The following PKP1 variants were observed in gnomAD, a reference collection of about 807,000 sequenced individuals.
PKP1 encodes the protein plakophilin 1.
Under a neutral mutation model 76.4 loss-of-function variants are expected in PKP1, and 27 were observed. That is an observed-to-expected ratio of 0.35 (90% CI 0.26 to 0.49). PKP1 has a LOEUF of 0.49. Ranked by LOEUF, PKP1 falls within the 20% of genes least tolerant of loss-of-function variation. PKP1 has a pLI of 0.99. For synonymous variants in PKP1, 404 were observed against 384.2 expected, an observed-to-expected ratio of 1.05 and a Z score of -0.60; for missense variants, 964 against 955.2, an observed-to-expected ratio of 1.01 and a Z score of -0.12.
rs569900770 is a variant in PKP1 at position 201,289,420 on chromosome 1, T to C, written c.203-4522T>C. ...GAATATGCTAGAAGAAGCATCGGCC[T>C]TAAGGGAGACAGAGTAAGCAAGAAT... On this transcript the variant is annotated intron_variant, in intron 1 of 13. Transcript: ENST00000367324. Among the ~76,000 whole-genome samples, 13 of 152,272 alleles carry C rather than the reference T, an allele frequency of 8.5e-5. No homozygotes were observed. In the South Asian group the frequency reaches 2.3e-3, roughly 27 times the overall value.
chr1:201,300,224 C>T (rs1656188184), intron 2 of PKP1, among the ~76,000 whole-genome samples: 1 of 152,256 alleles, frequency 6.6e-6, no homozygotes, highest in Non-Finnish European at 1.5e-5. Context: ...AGGGGCACCC[C>T]TCCCTGTGGA....
chr1:201,305,170 C>G (rs990083571), intron 2 of PKP1, among the ~76,000 whole-genome samples: 4 of 152,152 alleles, frequency 2.6e-5, no homozygotes, highest in African/African-American at 9.7e-5. Flanking sequence ...AAGGTGAGAT[C>G]TCTTACCCAA....
rs147034093 is a variant in PKP1, at chr1:201,321,939, G to A, written c.1348-39G>A. On this transcript the variant is annotated intron_variant, in intron 7 of 13. Transcript: ENST00000367324. ...TGGTAGGCCAGGAGCCTGTCGGGCCGGGCAGAGGCTCAGGCCCATGCCTCT... is the reference window on the plus strand; with the variant it reads ...TGGTAGGCCAGGAGCCTGTCGGGCCAGGCAGAGGCTCAGGCCCATGCCTCT... 1,711 of 1,611,650 alleles carry A rather than the reference G, an allele frequency of 1.1e-3. 16 individuals carry two copies. The African/African-American group carries it at 0.016, about 16-fold the overall frequency.
rs1401771358 is a variant in PKP1, at chr1:201,302,947, G to A, written c.306+8902G>A. ...TGAGGTTCAGAGAGGCGAGGCGACG[G>A]CCTGAGGCTGCACAGCTAGGCAGGG... On this transcript the variant is annotated intron_variant, in intron 2 of 13. Transcript: ENST00000367324. Among the ~76,000 whole-genome samples the A allele has an allele frequency of 2.0e-5, 3 of 152,344 alleles. No homozygotes were observed. In the East Asian group the frequency reaches 5.8e-4, roughly 29 times the overall value.
In PKP1 at chr1:201,313,475, T is replaced by A; in HGVS notation, c.616T>A (p.Cys206Ser). 6.2e-6 allele frequency: 10 copies of A among 1,613,374 alleles called. No homozygotes were observed. The highest frequency in any genetic ancestry group is 8.5e-6 in the Non-Finnish European group (10 of 1,179,806). ...IKKCPVRPPS[C>S]ASKQDPVYIP... The stretch of plus-strand genomic sequence containing the variant: ...GAAGTGCCCTGTGCGCCCGCCCTCT[T>A]GTGCCTCCAAGCAGGACCCTGTGTA... The change falls in exon 3 of 14, where the codon TGT becomes AGT. Residue 206 changes from cysteine (C) to serine (S), a missense_variant. Cys to Ser is a moderately radical substitution (Grantham distance 112). Coordinates refer to ENST00000367324, the MANE Select transcript of PKP1 (RefSeq NM_001005337.3).
Position 201,313,256 on chromosome 1 carries a change from G to C in PKP1, c.397G>C (p.Gly133Arg), listed in dbSNP as rs538996300. 1.9e-5 allele frequency: 30 copies of C among 1,604,992 alleles called. No homozygotes were observed. In the South Asian group the frequency reaches 2.9e-4, roughly 16 times the overall value. ...MENWSRHYPR[G>R]SCNTTGAGSD... Reference sequence around the variant, plus strand: ...GAACTGGAGCCGGCACTACCCCCGGGGCAGCTGTAACACCACCGGCGCAGG... The same window carrying C: ...GAACTGGAGCCGGCACTACCCCCGGCGCAGCTGTAACACCACCGGCGCAGG... Residue 133 changes from glycine (G) to arginine (R), a missense_variant, in exon 3 of 14, where the codon GGC becomes CGC. By Grantham distance (125) the Gly-to-Arg change is moderately radical (BLOSUM62 -2). Coordinates refer to ENST00000367324, the MANE Select transcript of PKP1 (RefSeq NM_001005337.3).
At chr1:201,317,463 T>G in intron 4 of PKP1, 109 bp from the exon 5 acceptor site, 3 of 908,444 alleles carry the variant, frequency 3.3e-6, no homozygotes, top group Non-Finnish European at 5.3e-6. Flanking sequence ...TGAATATTTC[T>G]GAACTGATAG....
At chr1:201,296,577 C>T (rs1656082000) in intron 2 of PKP1, among the ~76,000 whole-genome samples, 1 of 152,208 alleles carries the variant, frequency 6.6e-6, no homozygotes, top group South Asian at 2.1e-4. Context: ...TTGTATTGAG[C>T]AATTGCTGGG....
chr1:201,297,640 A>C (rs1374852618), intron 2 of PKP1, among the ~76,000 whole-genome samples: 4 of 152,252 alleles, frequency 2.6e-5, no homozygotes, highest in African/African-American at 9.6e-5. Flanking sequence ...TCATTACCCC[A>C]GACATTTGCA....
chr1:201,289,508 AG>A (rs1158070579), intron 1 of PKP1, among the ~76,000 whole-genome samples: 2 of 152,090 alleles, frequency 1.3e-5, no homozygotes, highest in African/African-American at 4.8e-5. Flanking sequence ...AAGTGGAAAA[AG>A]CGGATTTCCC....
intron 3 of PKP1, among the ~76,000 whole-genome samples, chr1:201,316,035 G>C (rs1476921121): frequency 1.3e-5 from 2 of 152,212 alleles, no homozygotes; most frequent in African/African-American, 4.8e-5. Flanking sequence ...GGGATGGATA[G>C]ATGGATGGAT....
chr1:201,285,923 G>A (rs1655720355), intron 1 of PKP1, among the ~76,000 whole-genome samples: 1 of 152,248 alleles, frequency 6.6e-6, no homozygotes, highest in Non-Finnish European at 1.5e-5. Flanking sequence ...CCAAGGTCTA[G>A]CCCTGTGGGC....
chr1:201,297,817 G>T (rs528842565), intron 2 of PKP1, among the ~76,000 whole-genome samples: 6 of 152,154 alleles, frequency 3.9e-5, no homozygotes, highest in Non-Finnish European at 8.8e-5. Flanking sequence ...ACCATGGGGA[G>T]TCAGCCTAGC....
chr1:201,297,661 C>T (rs998372634), intron 2 of PKP1, among the ~76,000 whole-genome samples: 4 of 152,208 alleles, frequency 2.6e-5, no homozygotes, highest in Admixed American at 6.5e-5. Context: ...CTTCTTATGA[C>T]TGCCATTCTG....
chr1:201,310,466 G>A (rs915982332), intron 2 of PKP1, among the ~76,000 whole-genome samples: 1 of 151,550 alleles, frequency 6.6e-6, no homozygotes, highest in Non-Finnish European at 1.5e-5. Flanking sequence ...CCAGTGAGCT[G>A]GAGGAAGCAC....
chr1:201,312,069 G>C (rs1656573479), intron 2 of PKP1, among the ~76,000 whole-genome samples: 2 of 152,176 alleles, frequency 1.3e-5, no homozygotes, highest in Non-Finnish European at 2.9e-5. Context: ...TTGCCAGCCT[G>C]ACAACAAAGC....
chr1:201,320,817 C>G (rs934776062), intron 7 of PKP1, among the ~76,000 whole-genome samples: 4 of 152,202 alleles, frequency 2.6e-5, no homozygotes, highest in African/African-American at 4.8e-5. Context: ...CCCTGCCCCA[C>G]AGCCCAGAGG....
chr1:201,327,335 C>A (rs1657157297), intron 12 of PKP1, among the ~76,000 whole-genome samples: 1 of 152,158 alleles, frequency 6.6e-6, no homozygotes, highest in Non-Finnish European at 1.5e-5. Flanking sequence ...CCCAGCTCTT[C>A]CTCCAGCATG....
chr1:201,322,164 C>G, intron 8 of PKP1, 31 bp downstream of exon 8: 1 of 1,603,604 alleles, frequency 6.2e-7, no homozygotes, highest in Non-Finnish European at 8.5e-7. Flanking sequence ...GCGGGGCCTG[C>G]CCCATCAAGC....
Sources: allele counts gnomAD v4.1 joint callset (sites outside exome capture counted in the v4.1 genomes callset), GRCh38; gene constraint gnomAD v4.1.1; transcripts MANE v1.5; gene names NCBI Gene and HGNC (gene_info 2026-07-23, HGNC 2026-07-21).